The following OGG1 variants were observed in gnomAD, a reference collection of about 807,000 sequenced individuals.
OGG1 encodes the protein 8-oxoguanine DNA glycosylase.
OGG1 carries 35 observed loss-of-function variants against 42.3 expected under a neutral mutation model. The observed-to-expected ratio is 0.83, with a 90% CI of 0.63 to 1.10. OGG1 has a LOEUF of 1.10. Ranked by LOEUF, OGG1 falls within the 50% of genes least tolerant of loss-of-function variation. The pLI, the probability that OGG1 is intolerant of heterozygous loss-of-function variation, is 0.00. For missense variants in OGG1, 484 were observed against 446.7 expected, an observed-to-expected ratio of 1.08 and a Z score of -0.75; for synonymous variants, 189 against 179.0, an observed-to-expected ratio of 1.06 and a Z score of -0.44.
intron 3 of OGG1, among the ~76,000 whole-genome samples, chr3:9,785,656 C>T (rs992030189): frequency 6.6e-5 from 10 of 152,232 alleles, no homozygotes; most frequent in African/African-American, 2.4e-4. Context: ...AAATGATTAA[C>T]ACTCAATGAT....
chr3:9,772,643 G>A (rs2078315616), intron 2 of OGG1, among the ~76,000 whole-genome samples: 1 of 152,170 alleles, frequency 6.6e-6, no homozygotes, highest in East Asian at 1.9e-4. Flanking sequence ...CTCAGGGAAG[G>A]ACTCTGGCTC....
chr3:9,765,748 G>A, intron 7 of OGG1: 2 of 1,613,640 alleles, frequency 1.2e-6, no homozygotes, highest in Non-Finnish European at 1.7e-6. Flanking sequence ...GAAAGGCTGT[G>A]GCCCACGCAC....
downstream of OGG1, among the ~76,000 whole-genome samples, chr3:9,788,923 C>A (rs911268259): frequency 9.2e-5 from 14 of 151,672 alleles, no homozygotes; most frequent in African/African-American, 3.4e-4. Context: ...GCAACTTCCA[C>A]CTCCCGGGTC....
chr3:9,781,324 C>T (rs1413483458), intron 2 of OGG1, among the ~76,000 whole-genome samples: 2 of 152,008 alleles, frequency 1.3e-5, no homozygotes, highest in South Asian at 2.1e-4. Flanking sequence ...CACACACACA[C>T]AGGCACACCC....
At chr3:9,785,487 G>C (rs1368310587) in intron 3 of OGG1, 1 of 1,082,628 alleles carries the variant, frequency 9.2e-7, no homozygotes, top group African/African-American at 1.5e-5. Flanking sequence ...GCTCCTTTCT[G>C]ACCTACACTG....
intron 2 of OGG1, among the ~76,000 whole-genome samples, chr3:9,772,688 G>T (rs1208465479): frequency 3.9e-5 from 6 of 152,074 alleles, no homozygotes; most frequent in African/African-American, 1.4e-4. Context: ...TCACCCCTTG[G>T]CCTCCAAAAC....
At chr3:9,750,664 G>A in intron 1 of OGG1, 1 of 703,820 alleles carries the variant, frequency 1.4e-6, no homozygotes, top group African/African-American at 1.8e-5. Flanking sequence ...TTTTGAGACA[G>A]GGTCTCGCTC....
chr3:9,757,688 T>C (rs781482626), downstream of OGG1: 40 of 1,613,870 alleles, frequency 2.5e-5, no homozygotes, highest in Non-Finnish European at 1.9e-5. This position sits in a 1 kb window ranked among gnomAD's most constrained non-coding sequence, Gnocchi z 4.5. Flanking sequence ...GGGTGCACCT[T>C]TGTGGACCAC....
intron 2 of OGG1, among the ~76,000 whole-genome samples, chr3:9,773,724 A>C (rs2125606708): frequency 6.6e-6 from 1 of 150,580 alleles, no homozygotes; most frequent in Non-Finnish European, 1.5e-5. Context: ...ACAGGGCCTC[A>C]CTCTGTCACC....
At chr3:9,781,300 TACACACACACAA>T (rs1261665657) in intron 2 of OGG1, among the ~76,000 whole-genome samples, 3 of 151,602 alleles carry the variant, frequency 2.0e-5, no homozygotes, top group Non-Finnish European at 4.4e-5. Context: ...TATATATACA[TACACACACACAA>T]ACACACACAC....
At chr3:9,750,529 C>A in intron 1 of OGG1, 106 bp downstream of exon 1, 1 of 1,517,962 alleles carries the variant, frequency 6.6e-7, no homozygotes, top group Non-Finnish European at 8.9e-7. Context: ...GGAAGAAACC[C>A]GGGGTACAAA....
downstream of OGG1, among the ~76,000 whole-genome samples, chr3:9,790,302 A>T (rs2078701481): frequency 6.6e-6 from 1 of 152,234 alleles, no homozygotes; most frequent in Admixed American, 6.5e-5. Context: ...GCCTTCTCTC[A>T]ATCAGTTACC....
At chr3:9,757,747 G>C (rs1214164611), downstream of OGG1, 1 of 1,614,176 alleles carries the variant, frequency 6.2e-7, no homozygotes. This position sits in a 1 kb window ranked among gnomAD's most constrained non-coding sequence, Gnocchi z 4.5. Flanking sequence ...ACTGGTGTCA[G>C]CAGCTCCCCA....
chr3:9,767,359 C>T (rs2078182676), downstream of OGG1, among the ~76,000 whole-genome samples: 1 of 152,146 alleles, frequency 6.6e-6, no homozygotes, highest in Admixed American at 6.5e-5. Context: ...AAGAACAGAG[C>T]CATCTCCAGC....
chr3:9,773,859 AT>A (rs1473416198), intron 2 of OGG1, among the ~76,000 whole-genome samples: 1 of 151,446 alleles, frequency 6.6e-6, no homozygotes, highest in Non-Finnish European at 1.5e-5. Context: ...TACCTGGCTA[AT>A]TTTTTTTAGT....
Position 9,751,838 on chromosome 3 carries a change from A to T in OGG1, c.454A>T (p.Ile152Phe). ...TTTTATCTGTTCCTCCAACAACAAC[A>T]TCGCCCGCATCACTGGCATGGTGGA... ...FSFICSSNNN[I>F]ARITGMVERL... The change falls in exon 3 of 7, where the codon ATC becomes TTC. Residue 152 changes from isoleucine (I) to phenylalanine (F), a missense_variant. Transcript: ENST00000344629. 1 of 1,614,168 alleles carries T rather than the reference A, an allele frequency of 6.2e-7. No individual in the cohort carries two copies. Among genetic ancestry groups the T allele is most frequent in the Non-Finnish European group, 8.5e-7 (1 of 1,180,028 alleles).
chr3:9,786,004 T>C (rs1457595622), intron 3 of OGG1, among the ~76,000 whole-genome samples: 2 of 151,826 alleles, frequency 1.3e-5, no homozygotes, highest in Non-Finnish European at 2.9e-5. Context: ...AGTGGCACAA[T>C]TTCGGCTTAC....
At chr3:9,760,886 A>T (rs2077830099), downstream of OGG1, 1 of 1,444,402 alleles carries the variant, frequency 6.9e-7, no homozygotes, top group Admixed American at 2.1e-5. Flanking sequence ...CCCCTTTATA[A>T]ACTCTACCAG....
downstream of OGG1, among the ~76,000 whole-genome samples, chr3:9,768,360 C>T (rs186154530): frequency 1.4e-3 from 220 of 152,354 alleles, 2 homozygotes; most frequent in African/African-American, 5.0e-3. Flanking sequence ...ACCTCTCCCT[C>T]CTGACTCCCC....
Sources: gnomAD v4.1 joint callset for allele counts (sites outside exome capture counted in the v4.1 genomes callset) on GRCh38, gnomAD v4.1.1 for gene constraint, Gnocchi (gnomAD v3.1) non-coding constraint, MANE v1.5 for transcripts, NCBI Gene and HGNC (gene_info 2026-07-23, HGNC 2026-07-21) for gene names.